Variants in NXPE2 observed in about 807,000 individuals in gnomAD.
NXPE2 encodes the protein NXPE family member 2.
NXPE2 carries 34 observed loss-of-function variants against 34.4 expected under a neutral mutation model. That is an observed-to-expected ratio of 0.99 (90% CI 0.75 to 1.31). NXPE2 has a LOEUF of 1.31. NXPE2 is among the 40% of genes most tolerant of loss of function. NXPE2 has a pLI of 0.00. For synonymous variants in NXPE2, 235 were observed against 231.3 expected, an observed-to-expected ratio of 1.02 and a Z score of -0.15; for missense variants, 649 against 672.5, an observed-to-expected ratio of 0.97 and a Z score of 0.39.
At chr11:114,763,839 G>C in the NXPE2 span, among the ~76,000 whole-genome samples, 1 of 152,086 alleles carries the variant, frequency 6.6e-6, no homozygotes, top group Non-Finnish European at 1.5e-5. Context: ...AAACATTTTT[G>C]GTAGGGTATG....
chr11:114,735,474 G>A, the NXPE2 span, among the ~76,000 whole-genome samples: 2 of 152,140 alleles, frequency 1.3e-5, no homozygotes, highest in East Asian at 1.9e-4. Context: ...ACCTCTCTGA[G>A]TATAGTTGTC....
the NXPE2 span, among the ~76,000 whole-genome samples, chr11:114,568,987 A>G: frequency 6.6e-6 from 1 of 152,178 alleles, no homozygotes; most frequent in Non-Finnish European, 1.5e-5. Context: ...TTAAAAAAAA[A>G]TGTTGACCAT....
At chr11:114,649,487 G>T in the NXPE2 span, among the ~76,000 whole-genome samples, 1 of 152,280 alleles carries the variant, frequency 6.6e-6, no homozygotes, top group African/African-American at 2.4e-5. Flanking sequence ...AGACACAAGA[G>T]ACCACATGTT....
At chr11:114,803,193 A>G in the NXPE2 span, among the ~76,000 whole-genome samples, 1 of 152,156 alleles carries the variant, frequency 6.6e-6, no homozygotes, top group Non-Finnish European at 1.5e-5. Flanking sequence ...GCCTGTTCCC[A>G]TTTGTTTTAC....
the NXPE2 span, among the ~76,000 whole-genome samples, chr11:114,591,878 C>A: frequency 6.6e-6 from 1 of 152,022 alleles, no homozygotes; most frequent in Non-Finnish European, 1.5e-5. Flanking sequence ...ATATTATGTC[C>A]CTAATTTTTT....
chr11:114,681,887 G>A (rs1238914613), intron 2 of NXPE2, among the ~76,000 whole-genome samples: 1 of 152,052 alleles, frequency 6.6e-6, no homozygotes, highest in African/African-American at 2.4e-5. Flanking sequence ...TATCTTAAAG[G>A]ATTAATAAGG....
At chr11:114,617,296 C>G in the NXPE2 span, among the ~76,000 whole-genome samples, 1 of 151,636 alleles carries the variant, frequency 6.6e-6, no homozygotes, top group Non-Finnish European at 1.5e-5. Flanking sequence ...CCACCATTAC[C>G]CACCAGATAC....
At chr11:114,610,187 G>C in the NXPE2 span, among the ~76,000 whole-genome samples, 1 of 151,854 alleles carries the variant, frequency 6.6e-6, no homozygotes, top group Non-Finnish European at 1.5e-5. Context: ...AATAAGTATT[G>C]CCACGTGGGT....
chr11:114,572,572 A>G, the NXPE2 span, among the ~76,000 whole-genome samples: 8 of 152,310 alleles, frequency 5.3e-5, no homozygotes, highest in African/African-American at 1.9e-4. Context: ...TGCAAAATGC[A>G]CTGGAAATTC....
At chr11:114,768,705 C>G in the NXPE2 span, among the ~76,000 whole-genome samples, 3 of 152,196 alleles carry the variant, frequency 2.0e-5, no homozygotes, top group East Asian at 5.8e-4. Flanking sequence ...TGATTTGGCT[C>G]TCTGTCTATT....
chr11:114,572,693 C>A, the NXPE2 span, among the ~76,000 whole-genome samples: 2 of 152,084 alleles, frequency 1.3e-5, no homozygotes, highest in African/African-American at 2.4e-5. Context: ...ATGAACAAAG[C>A]CACCAAGAAG....
At chr11:114,608,659 A>T in the NXPE2 span, among the ~76,000 whole-genome samples, 1 of 151,818 alleles carries the variant, frequency 6.6e-6, no homozygotes, top group Admixed American at 6.6e-5. Context: ...AACCACTGTT[A>T]CCCGGTGGAT....
the NXPE2 span, among the ~76,000 whole-genome samples, chr11:114,753,295 A>T: frequency 6.6e-6 from 1 of 152,144 alleles, no homozygotes; most frequent in South Asian, 2.1e-4. Context: ...CGGAAGGCTG[A>T]CCAGGGAGGA....
the NXPE2 span, among the ~76,000 whole-genome samples, chr11:114,799,877 CTTTCTTCCT>C: frequency 2.6e-5 from 4 of 151,982 alleles, no homozygotes; most frequent in African/African-American, 9.7e-5. Context: ...CCCTCCCTCC[CTTTCTTCCT>C]TTTCTCTTTC....
Position 114,704,071 on chromosome 11 carries a change from T to C in NXPE2, c.928+19T>C. 6.6e-7 allele frequency: 1 copy of C among 1,521,246 alleles called. No individual in the cohort carries two copies. The highest frequency in any genetic ancestry group is 1.2e-5 in the South Asian group (1 of 83,068). 94.2% of individuals were successfully genotyped at this position (1,521,246 alleles called of 1,614,324 possible). On this transcript the variant is annotated intron_variant, in intron 4 of 5. Transcript: ENST00000389586. Reference sequence around the variant, plus strand: ...TGCAACAGTAAGTCTGGAGTGTTGTTGTCTGCCATGATCACAATTTATCCA... The same window carrying C: ...TGCAACAGTAAGTCTGGAGTGTTGTCGTCTGCCATGATCACAATTTATCCA...
chr11:114,659,463 A>C, the NXPE2 span, among the ~76,000 whole-genome samples: 1 of 152,122 alleles, frequency 6.6e-6, no homozygotes, highest in Non-Finnish European at 1.5e-5. Context: ...AGTGAAGAAA[A>C]AAAAAACAGT....
the NXPE2 span, among the ~76,000 whole-genome samples, chr11:114,624,084 C>A: frequency 6.6e-6 from 1 of 151,696 alleles, no homozygotes; most frequent in Non-Finnish European, 1.5e-5. Context: ...ACCAGTGTTA[C>A]CCTCTGGATA....
the NXPE2 span, among the ~76,000 whole-genome samples, chr11:114,466,677 A>G: frequency 2.0e-5 from 3 of 152,064 alleles, no homozygotes; most frequent in Non-Finnish European, 4.4e-5. Flanking sequence ...AAACCAGTTT[A>G]TATATTTAGG....
chr11:114,580,314 T>C, the NXPE2 span: 8 of 1,614,054 alleles, frequency 5.0e-6, no homozygotes, highest in Non-Finnish European at 6.8e-6. Flanking sequence ...AAACTTGCAT[T>C]TCTCTTTCAT....
Sources: allele counts gnomAD v4.1 joint callset (sites outside exome capture counted in the v4.1 genomes callset), GRCh38; gene constraint gnomAD v4.1.1; transcripts MANE v1.5; gene names NCBI Gene and HGNC (gene_info 2026-07-23, HGNC 2026-07-21).